Variants in MYO5B observed in about 807,000 individuals in gnomAD.
MYO5B encodes the protein unconventional myosin-Vb.
In MYO5B, 143 loss-of-function variants were observed where a neutral mutation model predicts 229.3. The observed-to-expected ratio is 0.62, with a 90% CI of 0.54 to 0.72. The LOEUF (loss-of-function observed/expected upper bound fraction) is 0.72, where lower values mean the gene tolerates loss of function less well. MYO5B is among the 30% of genes least tolerant of loss of function. The pLI is 0.00. For synonymous variants in MYO5B, 918 were observed against 885.2 expected (o/e 1.04, Z -0.66); for missense variants, 2,321 against 2,331.0 (o/e 1.00, Z 0.09).
Position 49,896,020 on chromosome 18 carries a change from T to C in MYO5B, c.2812-846A>G, listed in dbSNP as rs886399497. ...AACAATGGTCATTGATTATTCTTCATTGCTCTGGTCTGTAGGAGCGCCAGG... is the reference window on the plus strand; with the variant it reads ...AACAATGGTCATTGATTATTCTTCACTGCTCTGGTCTGTAGGAGCGCCAGG... On this transcript the variant is annotated intron_variant, in intron 21 of 39. Coordinates refer to ENST00000285039, the MANE Select transcript of MYO5B (RefSeq NM_001080467.3). 3.3e-5 allele frequency among the ~76,000 whole-genome samples: 5 copies of C among 152,230 alleles called. No homozygotes were observed. In the East Asian group the frequency reaches 9.6e-4, roughly 29 times the overall value.
At chr18:50,076,038 C>A (rs1433142504) in intron 1 of MYO5B, among the ~76,000 whole-genome samples, 1 of 152,246 alleles carries the variant, frequency 6.6e-6, no homozygotes, top group Non-Finnish European at 1.5e-5. Flanking sequence ...TAACCCTCCA[C>A]TGACATCTCC....
chr18:50,049,003 C>A (rs529827998), intron 2 of MYO5B, among the ~76,000 whole-genome samples: 138 of 136,460 alleles, frequency 1.0e-3, no homozygotes, highest in Middle Eastern at 3.9e-3. Context: ...GCCTGGGCAA[C>A]AGAGTGAGAC....
At position 49,838,146 on chromosome 18, in the gene MYO5B, A is replaced by C. The variant is rs147161726; in HGVS notation, c.4853-344T>G. Reference sequence around the variant, plus strand: ...TCGTCCAGCCACTGACTATGTAAATAAGAGCTTCATTGGTCCGTCATACTT... The same window carrying C: ...TCGTCCAGCCACTGACTATGTAAATCAGAGCTTCATTGGTCCGTCATACTT... On this transcript the variant is annotated intron_variant, in intron 36 of 39. Coordinates refer to ENST00000285039, the MANE Select transcript of MYO5B (RefSeq NM_001080467.3). Among the ~76,000 whole-genome samples, 47 of 152,346 alleles carry C rather than the reference A, an allele frequency of 3.1e-4. No individual in the cohort carries two copies. In the East Asian group the frequency reaches 5.2e-3, roughly 17 times the overall value.
At chr18:49,922,838 A>C (rs534129270) in intron 17 of MYO5B, among the ~76,000 whole-genome samples, 2 of 152,204 alleles carry the variant, frequency 1.3e-5, no homozygotes, top group Non-Finnish European at 2.9e-5. Context: ...CAAAACAATC[A>C]GAATAGCAGT....
intron 1 of MYO5B, among the ~76,000 whole-genome samples, chr18:50,134,993 T>C (rs996446876): frequency 1.3e-5 from 2 of 152,214 alleles, no homozygotes; most frequent in Admixed American, 1.3e-4. Flanking sequence ...TACAGGCTGA[T>C]TTGGATTGCT....
intron 1 of MYO5B, among the ~76,000 whole-genome samples, chr18:50,144,734 C>T (rs2032473456): frequency 6.6e-6 from 1 of 152,172 alleles, no homozygotes; most frequent in Non-Finnish European, 1.5e-5. Context: ...TAAGAGTCTA[C>T]AGGAAGAAGT....
In MYO5B at chr18:49,847,168, G is replaced by A. The variant is rs1568607785; in HGVS notation, c.4437C>T (p.Leu1479=). The A allele has an allele frequency of 1.2e-6, 2 of 1,614,160 alleles. No individual in the cohort carries two copies. ...TACCTGTCACCAGGTTCCGGATGAGGAGGGCCTCGTCCTCTTTGTGGTACT... is the reference window on the plus strand; with the variant it reads ...TACCTGTCACCAGGTTCCGGATGAGAAGGGCCTCGTCCTCTTTGTGGTACT... ...MLEYHKEDEA[L]LIRNLVTDLK... The change falls in exon 33 of 40, where the codon CTC becomes CTT. Residue 1479 remains leucine, a synonymous_variant. Transcript: ENST00000285039.
chr18:50,185,810 C>A (rs868005242), intron 1 of MYO5B, among the ~76,000 whole-genome samples: 1 of 151,954 alleles, frequency 6.6e-6, no homozygotes, highest in South Asian at 2.1e-4. Flanking sequence ...ACAGTACATC[C>A]ATATGCTGCC....
chr18:49,999,567 T>C (rs2026024310), intron 5 of MYO5B, among the ~76,000 whole-genome samples: 1 of 152,264 alleles, frequency 6.6e-6, no homozygotes, highest in Admixed American at 6.5e-5. Context: ...AGGCTTATGC[T>C]GTAATAGTTA....
At chr18:50,127,690 T>G (rs751669078) in intron 1 of MYO5B, among the ~76,000 whole-genome samples, 2 of 152,138 alleles carry the variant, frequency 1.3e-5, no homozygotes, top group Non-Finnish European at 2.9e-5. Context: ...ACTGGGATGA[T>G]CAATTTTATG....
rs146215250 is a variant in MYO5B at position 49,991,900 on chromosome 18, C to A, written c.756+388G>T. Among the ~76,000 whole-genome samples the A allele has an allele frequency of 1.2e-3, 181 of 152,194 alleles. 1 individual carries two copies. The highest frequency in any genetic ancestry group is 8.7e-3 in the Admixed American group (133 of 15,290). On this transcript the variant is annotated intron_variant, in intron 6 of 39. Coordinates refer to ENST00000285039, the MANE Select transcript of MYO5B (RefSeq NM_001080467.3). Reference sequence around the variant, plus strand: ...AGCCAAGTATAATCTATTTTTTAAACCTACTAAATAAGGAAGTTCTCAGGA... The same window carrying A: ...AGCCAAGTATAATCTATTTTTTAAAACTACTAAATAAGGAAGTTCTCAGGA...
intron 1 of MYO5B, among the ~76,000 whole-genome samples, chr18:50,106,973 G>A (rs1188769525): frequency 6.6e-6 from 1 of 152,128 alleles, no homozygotes; most frequent in African/African-American, 2.4e-5. Context: ...GGGTGCAAAG[G>A]GAGGAGAACA....
chr18:50,052,742 A>T (rs1337954282), intron 2 of MYO5B, among the ~76,000 whole-genome samples: 1 of 152,070 alleles, frequency 6.6e-6, no homozygotes, highest in Non-Finnish European at 1.5e-5. Context: ...TTTATGCTAC[A>T]TATATTTTAC....
intron 1 of MYO5B, among the ~76,000 whole-genome samples, chr18:50,125,330 T>C (rs202180956): frequency 7.5e-6 from 1 of 133,850 alleles, no homozygotes; most frequent in Non-Finnish European, 1.5e-5. Flanking sequence ...ATGAGAACAC[T>C]TGGACACAGG....
chr18:49,823,256 T>C lies in MYO5B; in HGVS notation c.*3215A>G, dbSNP rs1257440335. 3.3e-5 allele frequency: 5 copies of C among 152,272 alleles called. No homozygotes were observed. Among genetic ancestry groups the C allele is most frequent in the Non-Finnish European group, 7.3e-5 (5 of 68,054 alleles). The allele number at this position is 152,272 out of a possible 1,614,324, so 9.4% of individuals were successfully genotyped here. On this transcript the variant is annotated 3_prime_UTR_variant, in exon 40 of 40. Coordinates refer to ENST00000285039, the MANE Select transcript of MYO5B (RefSeq NM_001080467.3). The stretch of plus-strand genomic sequence containing the variant: ...ATTCTCTAATTATGGCACCAGTGGG[T>C]ATAAAAAGTGAATTATGGTTATTTG...
chr18:50,021,122 T>G (rs190635992), intron 4 of MYO5B, among the ~76,000 whole-genome samples: 1 of 152,154 alleles, frequency 6.6e-6, no homozygotes, highest in Non-Finnish European at 1.5e-5. Context: ...CACACAAGCA[T>G]AATTACCTGC....
intron 17 of MYO5B, among the ~76,000 whole-genome samples, chr18:49,916,517 C>T (rs2025015938): frequency 1.3e-5 from 2 of 152,212 alleles, no homozygotes; most frequent in Non-Finnish European, 2.9e-5. Flanking sequence ...CTTCCAAAGA[C>T]CGGAATTCTC....
intron 1 of MYO5B, among the ~76,000 whole-genome samples, chr18:50,182,165 C>G (rs1024278435): frequency 6.6e-6 from 1 of 152,160 alleles, no homozygotes. Flanking sequence ...ATGGTCTGAA[C>G]CTTCAGGCAA....
chr18:49,953,253 T>G lies in MYO5B; in HGVS notation c.1752+7A>C. 6.2e-7 allele frequency: 1 copy of G among 1,613,720 alleles called. No individual in the cohort carries two copies. Among genetic ancestry groups the G allele is most frequent in the Non-Finnish European group, 8.5e-7 (1 of 1,179,652 alleles). On this transcript the variant is annotated splice_region_variant and intron_variant, in intron 14 of 39. Transcript: ENST00000285039. ...CTGCTCCACTCCCCACTTCTGACAC[T>G]CTTTACCTTGCTGGCCTTCAGGATA...
Sources: allele counts gnomAD v4.1 joint callset (sites outside exome capture counted in the v4.1 genomes callset), GRCh38; gene constraint gnomAD v4.1.1; transcripts MANE v1.5; gene names NCBI Gene and HGNC (gene_info 2026-07-23, HGNC 2026-07-21).